Variants in PRSS55 observed in about 807,000 individuals in gnomAD.
The protein encoded by PRSS55 is probable serine protease UNQ9391/PRO34284.
A neutral mutation model predicts 23.6 loss-of-function variants in PRSS55; 41 were observed. That is an observed-to-expected ratio of 1.74 (90% CI 1.35 to 2.26). The LOEUF (loss-of-function observed/expected upper bound fraction) is 2.26. PRSS55 is among the 30% of genes most tolerant of loss of function. The probability of loss-of-function intolerance (pLI) is 0.00; values close to 1 mark genes in which losing one functional copy is unlikely to be tolerated. For missense variants in PRSS55, 669 were observed against 439.1 expected (o/e 1.52, Z -4.68); for synonymous variants, 262 against 175.5 (o/e 1.49, Z -3.90).
intron 2 of PRSS55, among the ~76,000 whole-genome samples, chr8:10,530,077 C>T (rs1196527823): frequency 6.6e-6 from 1 of 152,264 alleles, no homozygotes; most frequent in Non-Finnish European, 1.5e-5. Context: ...TGACCCCCTA[C>T]TCTCCTGCTC....
At chr8:10,536,055 G>T (rs1360426417) in intron 4 of PRSS55, among the ~76,000 whole-genome samples, 1 of 152,122 alleles carries the variant, frequency 6.6e-6, no homozygotes, top group Non-Finnish European at 1.5e-5. Context: ...GCGTGGTGGT[G>T]GGTACCTGTA....
intron 4 of PRSS55, among the ~76,000 whole-genome samples, chr8:10,553,749 T>C (rs1443949129): frequency 1.3e-5 from 2 of 152,204 alleles, no homozygotes; most frequent in Non-Finnish European, 2.9e-5. Flanking sequence ...AATAATGTAT[T>C]ATAGACCGGA....
intron 4 of PRSS55, among the ~76,000 whole-genome samples, chr8:10,544,388 T>G (rs1563548017): frequency 6.6e-6 from 1 of 150,572 alleles, no homozygotes; most frequent in African/African-American, 2.5e-5. Flanking sequence ...TCTTTTTATT[T>G]TTAACCTACT....
chr8:10,541,237 T>G (rs549106151), downstream of PRSS55: 1 of 152,494 alleles, frequency 6.6e-6, no homozygotes, highest in South Asian at 2.1e-4. Context: ...AGTGTGGTGG[T>G]TCCTTTTGTC....
intron 4 of PRSS55, chr8:10,553,850 C>T (rs937150966): frequency 1.3e-5 from 10 of 773,916 alleles, no homozygotes; most frequent in Middle Eastern, 3.4e-4. Context: ...ATTGGAGTAA[C>T]CATTTCACAA....
chr8:10,536,597 A>G (rs770751772), intron 4 of PRSS55, among the ~76,000 whole-genome samples: 3 of 152,248 alleles, frequency 2.0e-5, no homozygotes, highest in Non-Finnish European at 2.9e-5. Context: ...CACAGTAGCA[A>G]AGACATGGGA....
intron 4 of PRSS55, among the ~76,000 whole-genome samples, chr8:10,534,540 T>A (rs543773367): frequency 6.8e-6 from 1 of 147,582 alleles, no homozygotes; most frequent in East Asian, 2.0e-4. Context: ...GACTTTGGCA[T>A]CAGCAAATCT....
intron 3 of PRSS55, among the ~76,000 whole-genome samples, chr8:10,532,703 T>C (rs556650329): frequency 1.3e-5 from 2 of 152,118 alleles, no homozygotes; most frequent in South Asian, 2.1e-4. Context: ...ATGAGAAGAA[T>C]AGTTCCAGTA....
At position 10,531,526 on chromosome 8, in the gene PRSS55, T is replaced by G. The variant is rs553462361; in HGVS notation, c.579T>G (p.Gly193=). Residue 193 remains glycine, a synonymous_variant, in exon 3 of 5, where the codon GGT becomes GGG. Coordinates refer to ENST00000328655, the MANE Select transcript of PRSS55 (RefSeq NM_198464.4). ...PATWRECWVA[G]WGQTNAADKN... ...CATGGCGCGAATGCTGGGTGGCAGG[T>G]TGGGGCCAGACCAATGCTGGTATGT... The G allele has an allele frequency of 6.2e-7, 1 of 1,613,714 alleles. No individual in the cohort carries two copies. Among genetic ancestry groups the G allele is most frequent in the African/African-American group, 1.3e-5 (1 of 75,074 alleles).
At chr8:10,547,769 C>T (rs556379425) in intron 4 of PRSS55, among the ~76,000 whole-genome samples, 1 of 138,492 alleles carries the variant, frequency 7.2e-6, no homozygotes, top group Non-Finnish European at 1.6e-5. Flanking sequence ...TGGCTTGTTC[C>T]GGATCTGGTG....
At chr8:10,547,117 C>G (rs1340898773) in intron 4 of PRSS55, among the ~76,000 whole-genome samples, 2 of 152,204 alleles carry the variant, frequency 1.3e-5, no homozygotes, top group African/African-American at 4.8e-5. Context: ...CCAAACCACA[C>G]ATCTCAGCTA....
chr8:10,532,617 G>A (rs568736402), intron 3 of PRSS55, among the ~76,000 whole-genome samples: 2 of 152,260 alleles, frequency 1.3e-5, no homozygotes, highest in Non-Finnish European at 2.9e-5. Flanking sequence ...TCAGTAGCCA[G>A]TTCCAAGAAG....
Position 10,529,655 on chromosome 8 carries a change from G to C in PRSS55, c.303G>C (p.Trp101Cys), listed in dbSNP as rs771893541. 6 of 1,614,072 alleles carry C rather than the reference G, an allele frequency of 3.7e-6. No homozygotes were observed. The Admixed American group carries it at 5.0e-5, about 13-fold the overall frequency. ...PFCGGSILNK[W>C]WILTAAHCLY... is the part of the protein sequence containing the mutation. ...GTGGCGGCTCCATCCTCAACAAGTG[G>C]TGGATTCTCACTGCGGCTCACTGCT... is the stretch of plus-strand genomic sequence containing the variant. Residue 101 changes from tryptophan to cysteine, a missense_variant, in exon 2 of 5, where the codon TGG becomes TGC. By Grantham distance (215) the Trp-to-Cys change is radical. Coordinates refer to ENST00000328655, the MANE Select transcript of PRSS55 (RefSeq NM_198464.4).
chr8:10,551,845 C>G (rs1314822484), intron 4 of PRSS55, among the ~76,000 whole-genome samples: 1 of 152,232 alleles, frequency 6.6e-6, no homozygotes, highest in East Asian at 1.9e-4. Context: ...ATTCCCTGTG[C>G]TTTCCATCTG....
At chr8:10,542,914 G>A (rs1359981533), downstream of PRSS55, among the ~76,000 whole-genome samples, 5 of 149,422 alleles carry the variant, frequency 3.3e-5, no homozygotes, top group African/African-American at 1.2e-4. Flanking sequence ...CTCTTGGAGG[G>A]ATATGAAATC....
intron 2 of PRSS55, among the ~76,000 whole-genome samples, chr8:10,530,469 C>T (rs1055274334): frequency 6.6e-6 from 1 of 152,186 alleles, no homozygotes; most frequent in East Asian, 1.9e-4. Flanking sequence ...GAGCGAAACT[C>T]CATCTCAAAA....
downstream of PRSS55, among the ~76,000 whole-genome samples, chr8:10,543,463 C>CCTTCCTTT (rs71203336): frequency 0.34 from 16,386 of 48,676 alleles, 1,575 homozygotes; most frequent in Admixed American, 0.45. Context: ...TTCCTTCCTT[C>CCTTCCTTT]CTTTCTTTCT....
chr8:10,543,481 T>TTTTCTTTTCTTTTCTTTCTTTC (rs1563547453), downstream of PRSS55, among the ~76,000 whole-genome samples: 63 of 19,748 alleles, frequency 3.2e-3, no homozygotes, highest in African/African-American at 5.4e-3. Flanking sequence ...TCTTTCTCTC[T>TTTTCTTTTCTTTTCTTTCTTTC]TTTTTTTTTT....
downstream of PRSS55, among the ~76,000 whole-genome samples, chr8:10,543,255 C>T (rs190306015): frequency 3.6e-3 from 553 of 152,148 alleles, 4 homozygotes; most frequent in African/African-American, 0.013. Context: ...AGGACTGACC[C>T]TTGGAGAATG....
Sources: allele counts gnomAD v4.1 joint callset (sites outside exome capture counted in the v4.1 genomes callset), GRCh38; gene constraint gnomAD v4.1.1; transcripts MANE v1.5; gene names NCBI Gene and HGNC (gene_info 2026-07-23, HGNC 2026-07-21).